ABCA13: variants seen among roughly 807,000 people sequenced by gnomAD.
ABCA13 encodes the protein ATP binding cassette subfamily A member 13.
A neutral mutation model predicts 478.7 loss-of-function variants in ABCA13; 476 were observed. The ratio of observed to expected loss-of-function variants is 0.99; its 90% CI spans 0.92 to 1.07. The LOEUF is 1.07. ABCA13 is among the 50% of genes least tolerant of loss of function. The pLI is 0.00. For missense variants in ABCA13, 6,060 were observed against 5,910.6 expected (o/e 1.03, Z -0.83); for synonymous variants, 2,252 against 2,158.9 (o/e 1.04, Z -1.20).
intron 55 of ABCA13, among the ~76,000 whole-genome samples, chr7:48,529,160 C>G (rs566369997): frequency 6.6e-6 from 1 of 152,298 alleles, no homozygotes; most frequent in African/African-American, 2.4e-5. Context: ...TGATGTTTCT[C>G]TCTACTGCAA....
chr7:48,447,624 G>C (rs1025092858), intron 42 of ABCA13, among the ~76,000 whole-genome samples: 2 of 152,166 alleles, frequency 1.3e-5, no homozygotes, highest in Admixed American at 1.3e-4. Context: ...AACTGCAGAG[G>C]TGGTATTAGG....
At chr7:48,193,116 C>A in intron 2 of ABCA13, 64 bp downstream of exon 2, 2 of 1,198,146 alleles carry the variant, frequency 1.7e-6, no homozygotes, top group South Asian at 1.4e-5. Context: ...TCATAGCACT[C>A]TTTCTTGTTT....
intron 31 of ABCA13, among the ~76,000 whole-genome samples, chr7:48,358,485 C>A (rs1810318901): frequency 6.6e-6 from 1 of 151,916 alleles, no homozygotes; most frequent in Non-Finnish European, 1.5e-5. Context: ...AGCCAAATTC[C>A]AAAACACCCT....
chr7:48,626,789 G>T, intron 59 of ABCA13: 1 of 985,468 alleles, frequency 1.0e-6, no homozygotes, highest in Non-Finnish European at 1.2e-6. Context: ...ACAGAAGTTG[G>T]GTGGGCTGTG....
intron 1 of ABCA13, among the ~76,000 whole-genome samples, chr7:48,176,350 A>G (rs1360246325): frequency 6.6e-6 from 1 of 152,156 alleles, no homozygotes; most frequent in African/African-American, 2.4e-5. Flanking sequence ...TAAAAAACTC[A>G]TGGTTCTCTC....
At chr7:48,283,922 C>T (rs186435556) in intron 19 of ABCA13, among the ~76,000 whole-genome samples, 78 of 152,222 alleles carry the variant, frequency 5.1e-4, no homozygotes, top group Admixed American at 3.1e-3. Flanking sequence ...CTCTGTGAGC[C>T]TTGAAGAAAA....
intron 55 of ABCA13, among the ~76,000 whole-genome samples, chr7:48,563,106 A>G (rs543721565): frequency 3.3e-5 from 5 of 152,174 alleles, no homozygotes; most frequent in Non-Finnish European, 5.9e-5. Flanking sequence ...GCCATGGTAT[A>G]AATATCCAGG....
At chr7:48,537,573 G>A (rs749703184) in intron 55 of ABCA13, among the ~76,000 whole-genome samples, 2 of 152,186 alleles carry the variant, frequency 1.3e-5, no homozygotes, top group South Asian at 4.1e-4. Flanking sequence ...ATTGATTAGG[G>A]TTGGACCACA....
rs965478229 is a variant in ABCA13 at position 48,358,417 on chromosome 7, A to G, written c.10688+5930A>G. 3.0e-4 allele frequency among the ~76,000 whole-genome samples: 45 copies of G among 151,918 alleles called. 1 individual carries two copies. Among genetic ancestry groups the G allele is most frequent in the African/African-American group, 1.0e-3 (42 of 41,218 alleles). On this transcript the variant is annotated intron_variant, in intron 31 of 61. Coordinates refer to ENST00000435803, the MANE Select transcript of ABCA13 (RefSeq NM_152701.5). ...AGTGTATGTTTAGTGCCTAAGGGCCAGTGGTGACAATTGTTGTGTGATAAA... is the reference window on the plus strand; with the variant it reads ...AGTGTATGTTTAGTGCCTAAGGGCCGGTGGTGACAATTGTTGTGTGATAAA...
At chr7:48,501,902 CAT>C (rs1301576583) in intron 48 of ABCA13, among the ~76,000 whole-genome samples, 3 of 152,158 alleles carry the variant, frequency 2.0e-5, no homozygotes, top group Non-Finnish European at 4.4e-5. Context: ...TGACTCCAGA[CAT>C]GTGGGTTCTG....
Position 48,272,458 on chromosome 7 carries a change from CA to C in ABCA13, c.2793del (p.Ala932ProfsTer14), listed in dbSNP as rs1162334774. 6.2e-7 allele frequency: 1 copy of C among 1,613,780 alleles called. No individual in the cohort carries two copies. Among genetic ancestry groups the C allele is most frequent in the East Asian group, 2.2e-5 (1 of 44,872 alleles). On this transcript the variant is annotated frameshift_variant, in exon 17 of 62. Coordinates refer to ENST00000435803, the MANE Select transcript of ABCA13 (RefSeq NM_152701.5). LOFTEE classifies it high-confidence loss of function. Reference sequence around the variant, plus strand: ...ATCAGGAATGCATCTGATCTTTTCTCAGCCCTTTCTGAACCACAAAAACAAG... The same window carrying C: ...ATCAGGAATGCATCTGATCTTTTCTCGCCCTTTCTGAACCACAAAAACAAG... ...YAIRNASDLF[S>X]ALSEPQKQEV... is the part of the protein sequence containing the mutation.
intron 39 of ABCA13, 145 bp downstream of exon 39, chr7:48,404,024 T>C (rs553146354): frequency 2.1e-6 from 2 of 959,360 alleles, no homozygotes; most frequent in South Asian, 1.4e-5. Flanking sequence ...AAAGCACTTA[T>C]AGGGATATAT....
Position 48,265,968 on chromosome 7 carries a change from A to T in ABCA13, c.2006-3012A>T, listed in dbSNP as rs1230720824. On this transcript the variant is annotated intron_variant, in intron 15 of 61. Transcript: ENST00000435803. The stretch of plus-strand genomic sequence containing the variant: ...CTTTGGCAAGAGCTTTTAATCAGGA[A>T]TAGATGTCAGATTTGTCAAATGTTT... 4.0e-5 allele frequency among the ~76,000 whole-genome samples: 6 copies of T among 151,742 alleles called. 1 individual carries two copies. Among genetic ancestry groups the T allele is most frequent in the Non-Finnish European group, 1.5e-5 (1 of 67,672 alleles).
At chr7:48,603,894 C>G (rs941539032) in intron 58 of ABCA13, 1 of 152,134 alleles carries the variant, frequency 6.6e-6, no homozygotes, top group African/African-American at 2.4e-5. Flanking sequence ...TTAATTACTG[C>G]CTCAATTTCA....
intron 27 of ABCA13, among the ~76,000 whole-genome samples, chr7:48,328,893 A>C (rs1260291936): frequency 6.6e-6 from 1 of 152,102 alleles, no homozygotes; most frequent in Non-Finnish European, 1.5e-5. Flanking sequence ...TGTTGTTTGG[A>C]GGTATTAGGA....
intron 55 of ABCA13, among the ~76,000 whole-genome samples, chr7:48,550,720 A>G (rs577206028): frequency 4.7e-5 from 7 of 148,192 alleles, no homozygotes; most frequent in African/African-American, 1.3e-4. Context: ...TCATCTATCT[A>G]TCTTTTTAAT....
At chr7:48,396,740 T>C (rs1338037090) in intron 38 of ABCA13, among the ~76,000 whole-genome samples, 1 of 152,188 alleles carries the variant, frequency 6.6e-6, no homozygotes, top group East Asian at 1.9e-4. Flanking sequence ...GGTTAGTGAA[T>C]GCAGTAGCTT....
intron 59 of ABCA13, among the ~76,000 whole-genome samples, chr7:48,628,042 C>CG (rs909182049): frequency 6.6e-6 from 1 of 152,098 alleles, no homozygotes; most frequent in African/African-American, 2.4e-5. Context: ...ACCTGAACTT[C>CG]GGGGGGACAC....
chr7:48,507,876 G>T lies in ABCA13; in HGVS notation c.13351G>T (p.Glu4451Ter), dbSNP rs769050818. The change falls in exon 50 of 62, where the codon GAG (glutamate) becomes TAG (stop). Residue 4451 changes from glutamate (E) to a stop codon, truncating the protein, a stop_gained. Coordinates refer to ENST00000435803, the MANE Select transcript of ABCA13 (RefSeq NM_152701.5). LOFTEE classifies it high-confidence loss of function. ...GALLNEDKILESIRQCGVALC... is the reference protein window; with the variant it reads ...GALLNEDKIL ...GCTGCTCTGTTCCACCCGCAGCCTGGAGAGCATCCGTCAGTGTGGAGTGGC... is the reference window on the plus strand; with the variant it reads ...GCTGCTCTGTTCCACCCGCAGCCTGTAGAGCATCCGTCAGTGTGGAGTGGC... 2.5e-6 allele frequency: 4 copies of T among 1,606,348 alleles called. No individual in the cohort carries two copies. In the Admixed American group the frequency reaches 6.8e-5, roughly 27 times the overall value.
Sources: gnomAD v4.1 joint callset for allele counts (sites outside exome capture counted in the v4.1 genomes callset) on GRCh38, gnomAD v4.1.1 for gene constraint, MANE v1.5 for transcripts, NCBI Gene and HGNC (gene_info 2026-07-23, HGNC 2026-07-21) for gene names.